STK3: variants seen among roughly 807,000 people sequenced by gnomAD.
The protein encoded by STK3 is serine/threonine kinase 3, also known as serine/threonine-protein kinase 3.
Under a neutral mutation model 58.0 loss-of-function variants are expected in STK3, and 41 were observed. The observed-to-expected ratio is 0.71, with a 90% CI of 0.55 to 0.92. STK3 has a LOEUF of 0.92. Among genes scored for constraint, STK3 ranks in the 40% least tolerant of loss-of-function variants. STK3 has a pLI of 0.00. For missense variants in STK3, 479 were observed against 602.7 expected, an observed-to-expected ratio of 0.79 and a Z score of 2.15; for synonymous variants, 170 against 191.0, an observed-to-expected ratio of 0.89 and a Z score of 0.91.
At chr8:98,401,959 GAAGA>G (rs767737512) in intron 3 of STK3, among the ~76,000 whole-genome samples, 1 of 152,024 alleles carries the variant, frequency 6.6e-6, no homozygotes. Context: ...AAAAATAAAA[GAAGA>G]AAGTAAAAAT....
chr8:98,760,907 G>C (rs766433955), intron 3 of STK3, among the ~76,000 whole-genome samples: 1 of 151,686 alleles, frequency 6.6e-6, no homozygotes, highest in Non-Finnish European at 1.5e-5. Flanking sequence ...ATGGAAAAAG[G>C]ACTACATACT....
intron 1 of STK3, among the ~76,000 whole-genome samples, chr8:98,792,057 T>C (rs1832837379): frequency 6.6e-6 from 1 of 152,258 alleles, no homozygotes; most frequent in Non-Finnish European, 1.5e-5. Flanking sequence ...TCACAATCTA[T>C]ACATCTGACA....
chr8:98,791,741 G>A lies in STK3; in HGVS notation c.27-16922C>T, dbSNP rs1395605023. On this transcript the variant is annotated intron_variant, in intron 1 of 10. Transcript: ENST00000419617. ...AAGGTCACCCTATTCAACAAATGGTGCTAGGACAACTGACAAGCCACATGT... is the reference window on the plus strand; with the variant it reads ...AAGGTCACCCTATTCAACAAATGGTACTAGGACAACTGACAAGCCACATGT... Among the ~76,000 whole-genome samples the A allele has an allele frequency of 6.6e-5, 10 of 152,300 alleles. No individual in the cohort carries two copies. In the South Asian group the frequency reaches 1.0e-3, roughly 16 times the overall value.
chr8:98,458,112 TATAC>T (rs1327197325), intron 10 of STK3, among the ~76,000 whole-genome samples: 2 of 112,058 alleles, frequency 1.8e-5, no homozygotes, highest in African/African-American at 7.5e-5. Flanking sequence ...TACACACACA[TATAC>T]ACACACACAC....
At chr8:98,893,492 GAAAGAA>G (rs1564087371) in intron 1 of STK3, among the ~76,000 whole-genome samples, 86 of 86,812 alleles carry the variant, frequency 9.9e-4, no homozygotes, top group East Asian at 1.6e-3. Context: ...GAAAGAGAAA[GAAAGAA>G]AGAAAGAAAG....
chr8:98,840,626 T>TATATATAC (rs1554689095), intron 3 of STK3, among the ~76,000 whole-genome samples: 23 of 133,398 alleles, frequency 1.7e-4, no homozygotes, highest in African/African-American at 6.4e-4. Context: ...TATATATATA[T>TATATATAC]ATACACACAC....
intron 8 of STK3, among the ~76,000 whole-genome samples, chr8:98,556,449 C>T (rs979626452): frequency 2.6e-5 from 4 of 152,012 alleles, no homozygotes. Flanking sequence ...TGCCCTTGCT[C>T]CTTAGAATTA....
chr8:98,916,291 G>A (rs1839346600), intron 1 of STK3, among the ~76,000 whole-genome samples: 1 of 152,134 alleles, frequency 6.6e-6, no homozygotes, highest in African/African-American at 2.4e-5. Context: ...GCAGGCACCT[G>A]TAATCCCAGC....
intron 4 of STK3, among the ~76,000 whole-genome samples, chr8:98,712,686 G>C (rs1826587283): frequency 2.0e-5 from 3 of 152,108 alleles, no homozygotes; most frequent in Non-Finnish European, 2.9e-5. Context: ...ATAATAATGG[G>C]AGACTTTAAC....
At chr8:98,769,908 AG>A (rs1831188426) in intron 2 of STK3, among the ~76,000 whole-genome samples, 1 of 152,244 alleles carries the variant, frequency 6.6e-6, no homozygotes, top group Admixed American at 6.5e-5. Flanking sequence ...TTACAGAAAC[AG>A]GGTTGAGATT....
the STK3 span, among the ~76,000 whole-genome samples, chr8:98,364,458 C>T: frequency 2.0e-4 from 30 of 152,304 alleles, no homozygotes; most frequent in Admixed American, 1.8e-3. Context: ...TCTGTTTCCC[C>T]GGAGGCTGAG....
chr8:98,526,945 G>A (rs1248084943), intron 9 of STK3, 28 bp from the exon 10 acceptor site: 1 of 1,460,242 alleles, frequency 6.8e-7, no homozygotes, highest in African/African-American at 1.4e-5. Flanking sequence ...CATAAGGAAG[G>A]TATAAGTTCT....
chr8:98,530,454 T>G (rs1826088012), intron 9 of STK3, among the ~76,000 whole-genome samples: 1 of 152,168 alleles, frequency 6.6e-6, no homozygotes, highest in African/African-American at 2.4e-5. Context: ...ATCAGAAAGA[T>G]GGCTGACAAG....
At chr8:98,904,527 C>T (rs1838811296) in intron 1 of STK3, 1 of 443,410 alleles carries the variant, frequency 2.3e-6, no homozygotes, top group Non-Finnish European at 4.4e-6. Flanking sequence ...CAAAGGGGAC[C>T]GCACGGAGCA....
At chr8:98,507,943 C>T (rs1198291402) in intron 10 of STK3, among the ~76,000 whole-genome samples, 1 of 152,130 alleles carries the variant, frequency 6.6e-6, no homozygotes, top group African/African-American at 2.4e-5. Context: ...CCAACACCGG[C>T]CTCATTACCT....
chr8:98,411,669 C>G (rs1004225471), intron 3 of STK3, among the ~76,000 whole-genome samples: 33 of 152,240 alleles, frequency 2.2e-4, no homozygotes, highest in Admixed American at 7.2e-4. Flanking sequence ...AAATAAAACA[C>G]AAGTTACTTA....
At chr8:98,708,028 A>G (rs1826086853) in intron 4 of STK3, among the ~76,000 whole-genome samples, 1 of 151,858 alleles carries the variant, frequency 6.6e-6, no homozygotes, top group South Asian at 2.1e-4. Flanking sequence ...AATCCCAGCT[A>G]CTCAGGAGGC....
chr8:98,695,105 T>C (rs934271793), intron 6 of STK3, among the ~76,000 whole-genome samples: 2 of 152,252 alleles, frequency 1.3e-5, no homozygotes, highest in African/African-American at 4.8e-5. Flanking sequence ...TGGCCAGTGA[T>C]GGTGAGCATT....
At chr8:98,794,220 G>A (rs571514914) in intron 1 of STK3, among the ~76,000 whole-genome samples, 30 of 152,056 alleles carry the variant, frequency 2.0e-4, no homozygotes, top group African/African-American at 4.6e-4. Context: ...AAGGATCGAT[G>A]AAACAAAAAG....
Sources: allele counts gnomAD v4.1 joint callset (sites outside exome capture counted in the v4.1 genomes callset), GRCh38; gene constraint gnomAD v4.1.1; transcripts MANE v1.5; gene names NCBI Gene and HGNC (gene_info 2026-07-23, HGNC 2026-07-21).